GPC6: variants seen among roughly 807,000 people sequenced by gnomAD.
GPC6 encodes the protein glypican-6.
A neutral mutation model predicts 55.2 loss-of-function variants in GPC6; 14 were observed. That is an observed-to-expected ratio of 0.25 (90% CI 0.17 to 0.40). The LOEUF is 0.40. Ranked by LOEUF, GPC6 falls within the 10% of genes least tolerant of loss-of-function variation. The pLI, the probability that GPC6 is intolerant of heterozygous loss-of-function variation, is 1.00. For missense variants in GPC6, 641 were observed against 708.5 expected (o/e 0.90, Z 1.08); for synonymous variants, 278 against 259.6 (o/e 1.07, Z -0.68).
intron 3 of GPC6, among the ~76,000 whole-genome samples, chr13:93,853,064 A>G (rs1171972523): frequency 1.3e-5 from 2 of 151,770 alleles, no homozygotes; most frequent in Non-Finnish European, 3.0e-5. Context: ...TGTGATGAAC[A>G]TTGTTCTATG....
chr13:94,385,203 G>C (rs1333454891), intron 7 of GPC6, among the ~76,000 whole-genome samples: 1 of 150,866 alleles, frequency 6.6e-6, no homozygotes, highest in Non-Finnish European at 1.5e-5. Context: ...TCATACCACT[G>C]CACTCCAGCC....
intron 2 of GPC6, among the ~76,000 whole-genome samples, chr13:93,784,160 TG>T (rs1885748801): frequency 6.6e-6 from 1 of 151,950 alleles, no homozygotes; most frequent in Admixed American, 6.6e-5. Flanking sequence ...AGAGGCAGGG[TG>T]GGGGTATGGA....
At chr13:93,488,615 A>G (rs1048444980) in intron 1 of GPC6, among the ~76,000 whole-genome samples, 4 of 152,154 alleles carry the variant, frequency 2.6e-5, no homozygotes, top group African/African-American at 9.7e-5. Context: ...ATTTCTCCAC[A>G]TCCTCTCCAG....
intron 4 of GPC6, among the ~76,000 whole-genome samples, chr13:94,131,603 T>G (rs889244256): frequency 1.3e-5 from 2 of 152,168 alleles, no homozygotes; most frequent in Non-Finnish European, 2.9e-5. Flanking sequence ...ATGGGTCATT[T>G]CTTTTTTCCA....
chr13:94,120,982 G>C (rs1886610638), intron 4 of GPC6, among the ~76,000 whole-genome samples: 1 of 152,072 alleles, frequency 6.6e-6, no homozygotes, highest in African/African-American at 2.4e-5. Flanking sequence ...AAATGTCTGA[G>C]AGTGACCCAG....
chr13:94,278,514 G>A (rs4494397), intron 4 of GPC6, among the ~76,000 whole-genome samples: 2,818 of 152,140 alleles, frequency 0.019, 89 homozygotes, highest in African/African-American at 0.064. Context: ...GTCTTGTACC[G>A]GTTTTCAAAG....
At chr13:94,003,120 T>C (rs1354657483) in intron 3 of GPC6, among the ~76,000 whole-genome samples, 1 of 152,146 alleles carries the variant, frequency 6.6e-6, no homozygotes, top group Non-Finnish European at 1.5e-5. Flanking sequence ...CCTTTTCCAG[T>C]GTCATGGTCA....
intron 1 of GPC6, among the ~76,000 whole-genome samples, chr13:93,319,238 C>A (rs1879346216): frequency 6.6e-6 from 1 of 152,066 alleles, no homozygotes. Context: ...CAAGCTGCAG[C>A]CCTCGTGCAT....
Position 93,365,287 on chromosome 13 carries a change from T to G in GPC6, c.160+137671T>G, listed in dbSNP as rs554999482. Among the ~76,000 whole-genome samples the G allele has an allele frequency of 3.3e-5, 5 of 152,194 alleles. No homozygotes were observed. The East Asian group carries it at 7.8e-4, about 24-fold the overall frequency. ...TCTCTTCCTGGCAGTGGAACTCTCC[T>G]GGCTCATTCCCTCCAATATCTAGTC... On this transcript the variant is annotated intron_variant, in intron 1 of 8. Coordinates refer to ENST00000377047, the MANE Select transcript of GPC6 (RefSeq NM_005708.5).
intron 3 of GPC6, among the ~76,000 whole-genome samples, chr13:94,005,193 A>G (rs959267148): frequency 3.9e-5 from 6 of 152,224 alleles, no homozygotes; most frequent in East Asian, 1.9e-4. Flanking sequence ...TTTCAACAAC[A>G]TGAAATTGAA....
intron 4 of GPC6, among the ~76,000 whole-genome samples, chr13:94,154,747 C>T (rs530554121): frequency 1.1e-3 from 172 of 152,286 alleles, no homozygotes; most frequent in African/African-American, 4.0e-3. Flanking sequence ...AAATTTTAAA[C>T]TCTGCCTTTT....
chr13:93,231,363 A>ATATATATATATACATATATATATACG (rs1876021082), intron 1 of GPC6, among the ~76,000 whole-genome samples: 1 of 15,850 alleles, frequency 6.3e-5, no homozygotes, highest in African/African-American at 3.6e-4. Flanking sequence ...ATATATACGT[A>ATATATATATATACATATATATATACG]TATATATATA....
intron 3 of GPC6, among the ~76,000 whole-genome samples, chr13:93,844,216 G>A (rs140820366): frequency 3.0e-4 from 45 of 152,228 alleles, no homozygotes; most frequent in African/African-American, 1.0e-3. Context: ...TCAGCTCACT[G>A]CAAACTTCAC....
At chr13:94,192,951 G>A (rs1328096189) in intron 4 of GPC6, among the ~76,000 whole-genome samples, 1 of 152,020 alleles carries the variant, frequency 6.6e-6, no homozygotes, top group African/African-American at 2.4e-5. Flanking sequence ...GGTGACCCAG[G>A]GAATTTGTTG....
chr13:93,517,277 T>C (rs1295362586), intron 1 of GPC6, among the ~76,000 whole-genome samples: 1 of 152,066 alleles, frequency 6.6e-6, no homozygotes, highest in Non-Finnish European at 1.5e-5. Context: ...TATGATTTCT[T>C]GCCTCATATT....
intron 4 of GPC6, among the ~76,000 whole-genome samples, chr13:94,143,510 C>T (rs189331110): frequency 6.6e-6 from 1 of 152,174 alleles, no homozygotes; most frequent in African/African-American, 2.4e-5. Flanking sequence ...TTCTCAGATA[C>T]CTGATTATTA....
rs1277352892 is a variant in GPC6 at position 93,227,918 on chromosome 13, C to G, written c.160+302C>G. Among the ~76,000 whole-genome samples the G allele has an allele frequency of 6.6e-5, 10 of 152,140 alleles. No individual in the cohort carries two copies. Among genetic ancestry groups the G allele is most frequent in the South Asian group, 2.1e-4 (1 of 4,832 alleles). On this transcript the variant is annotated intron_variant, in intron 1 of 8. Transcript: ENST00000377047. The surrounding 1 kb of genome is among the most constrained non-coding windows in gnomAD (Gnocchi z 4.3). Reference sequence around the variant, plus strand: ...GGCTCAGGCCCGGCTGGCCAGGGAGCCCGGGTCACTCCGGGGCGGCTGCAA... The same window carrying G: ...GGCTCAGGCCCGGCTGGCCAGGGAGGCCGGGTCACTCCGGGGCGGCTGCAA...
At chr13:94,016,482 A>G (rs1882469908) in intron 3 of GPC6, among the ~76,000 whole-genome samples, 2 of 152,244 alleles carry the variant, frequency 1.3e-5, no homozygotes, top group South Asian at 2.1e-4. Flanking sequence ...GTAGTACTAT[A>G]CCATATTAGT....
intron 1 of GPC6, among the ~76,000 whole-genome samples, chr13:93,382,845 C>G (rs917067898): frequency 2.6e-5 from 4 of 152,122 alleles, no homozygotes; most frequent in Non-Finnish European, 5.9e-5. Flanking sequence ...TATACATTGT[C>G]CCTACTTCCC....
Sources: gnomAD v4.1 joint callset for allele counts (sites outside exome capture counted in the v4.1 genomes callset) on GRCh38, gnomAD v4.1.1 for gene constraint, Gnocchi (gnomAD v3.1) non-coding constraint, MANE v1.5 for transcripts, NCBI Gene and HGNC (gene_info 2026-07-23, HGNC 2026-07-21) for gene names.